The following ZZEF1 variants were observed in gnomAD, a reference collection of about 807,000 sequenced individuals.
The protein encoded by ZZEF1 is zinc finger ZZ-type and EF-hand domain containing 1.
Under a neutral mutation model 342.8 loss-of-function variants are expected in ZZEF1, and 157 were observed. The ratio of observed to expected loss-of-function variants is 0.46; its 90% CI spans 0.40 to 0.52. The LOEUF (loss-of-function observed/expected upper bound fraction) is 0.52, where lower values mean the gene tolerates loss of function less well. ZZEF1 is among the 20% of genes least tolerant of loss of function. ZZEF1 has a pLI of 0.00. For missense variants in ZZEF1, 3,480 were observed against 3,725.6 expected (o/e 0.93, Z 1.72); for synonymous variants, 1,505 against 1,429.1 (o/e 1.05, Z -1.20).
rs1385245361 is a variant in ZZEF1, at chr17:4,104,826, C to A, written c.1395-15G>T. On this transcript the variant is annotated splice_polypyrimidine_tract_variant and intron_variant, in intron 7 of 54. Coordinates refer to ENST00000381638, the MANE Select transcript of ZZEF1 (RefSeq NM_015113.4). The stretch of plus-strand genomic sequence containing the variant: ...TAGAACAGCAGCTATAAGCAAAGAG[C>A]AAAAACTTTTCACTTCTTAAAAACA... 1.9e-6 allele frequency: 3 copies of A among 1,603,732 alleles called. No homozygotes were observed. Among genetic ancestry groups the A allele is most frequent in the Middle Eastern group, 1.7e-4 (1 of 5,976 alleles).
chr17:4,112,764 G>A lies in ZZEF1; in HGVS notation c.911C>T (p.Ala304Val). ...GTAGCTCTGGTCAGTGGCAGCCACT[G>A]CAATGGACAGGTGCCTAAGCACAAC... ...PDVVLRHLSI[A>V]VAATDQSYMP... The change falls in exon 5 of 55, where the codon GCA becomes GTA. Residue 304 changes from alanine to valine, a missense_variant. Coordinates refer to ENST00000381638, the MANE Select transcript of ZZEF1 (RefSeq NM_015113.4). 3 of 1,605,602 alleles carry A rather than the reference G, an allele frequency of 1.9e-6. No individual in the cohort carries two copies. Among genetic ancestry groups the A allele is most frequent in the African/African-American group, 1.3e-5 (1 of 74,842 alleles).
chr17:4,019,559 C>G, intron 46 of ZZEF1, 110 bp downstream of exon 46: 1 of 956,794 alleles, frequency 1.0e-6, no homozygotes, highest in African/African-American at 1.7e-5. Flanking sequence ...TGCTTCCCGG[C>G]CTGTCGGAGC....
chr17:4,026,279 G>A, intron 42 of ZZEF1, among the ~76,000 whole-genome samples: 1 of 152,030 alleles, frequency 6.6e-6, no homozygotes. Flanking sequence ...AAAAATATTT[G>A]AATACATAAT....
At chr17:4,032,752 A>C (rs991648508) in intron 41 of ZZEF1, 76 bp downstream of exon 41, 22 of 1,493,008 alleles carry the variant, frequency 1.5e-5, no homozygotes, top group Non-Finnish European at 1.9e-5. Flanking sequence ...ATATATCCGG[A>C]AGCCACAGAG....
chr17:4,082,892 C>T (rs2057750710), intron 16 of ZZEF1, among the ~76,000 whole-genome samples: 1 of 152,182 alleles, frequency 6.6e-6, no homozygotes, highest in South Asian at 2.1e-4. Context: ...TCTCCTGCCT[C>T]AGCCTCCCAA....
rs1184333791 is a variant in ZZEF1 at position 4,016,981 on chromosome 17, C to T, written c.8001+390G>A. On this transcript the variant is annotated intron_variant, in intron 48 of 54. Coordinates refer to ENST00000381638, the MANE Select transcript of ZZEF1 (RefSeq NM_015113.4). This position sits in a 1 kb window ranked among gnomAD's most constrained non-coding sequence, Gnocchi z 4.4. ...GGGCTGCAAGGCCGGGAAAAGACCT[C>T]GAGGTCTGGTGGTGTTCTCAGATGG... is the stretch of plus-strand genomic sequence containing the variant. 9.9e-6 allele frequency: 2 copies of T among 202,610 alleles called. No individual in the cohort carries two copies. The highest frequency in any genetic ancestry group is 1.2e-4 in the East Asian group (1 of 8,252). The allele number at this position is 202,610 out of a possible 1,614,324, so 12.6% of individuals were successfully genotyped here.
chr17:4,054,605 T>C (rs1399816591), intron 33 of ZZEF1, among the ~76,000 whole-genome samples: 1 of 152,150 alleles, frequency 6.6e-6, no homozygotes, highest in East Asian at 1.9e-4. Context: ...AGAGACAGGT[T>C]TATGAAACTG....
At chr17:4,024,770 T>C in intron 43 of ZZEF1, 149 bp downstream of exon 43, 1 of 748,788 alleles carries the variant, frequency 1.3e-6, no homozygotes, top group South Asian at 1.7e-5. Context: ...TGAAGTTATC[T>C]GTGTGTAAGG....
At chr17:4,124,609 ATTTTTTTTT>A (rs34282931) in intron 1 of ZZEF1, among the ~76,000 whole-genome samples, 5 of 126,790 alleles carry the variant, frequency 3.9e-5, no homozygotes, top group Non-Finnish European at 8.5e-5. Flanking sequence ...CGCCAAGCTG[ATTTTTTTTT>A]TTTTTTTTTT....
chr17:4,134,986 T>A (rs544837207), intron 1 of ZZEF1, among the ~76,000 whole-genome samples: 1 of 152,168 alleles, frequency 6.6e-6, no homozygotes, highest in Non-Finnish European at 1.5e-5. Flanking sequence ...CTGGTGTGGC[T>A]GGAAAGGAAC....
chr17:4,130,835 T>G (rs996621561), intron 1 of ZZEF1, among the ~76,000 whole-genome samples: 1 of 152,070 alleles, frequency 6.6e-6, no homozygotes. Context: ...AGGATAAAAG[T>G]GCATCACAGT....
intron 13 of ZZEF1, 71 bp downstream of exon 13, chr17:4,088,607 T>C: frequency 2.6e-6 from 4 of 1,514,030 alleles, no homozygotes; most frequent in Non-Finnish European, 3.6e-6. Context: ...TATCAGTTGG[T>C]GTTCATTTCT....
intron 39 of ZZEF1, among the ~76,000 whole-genome samples, 175 bp downstream of exon 39, chr17:4,042,248 TACACAC>T (rs34618023): frequency 6.6e-6 from 1 of 151,862 alleles, no homozygotes; most frequent in African/African-American, 2.4e-5. Flanking sequence ...TATTGTTTTA[TACACAC>T]ACACACATAT....
At position 4,017,244 on chromosome 17, in the gene ZZEF1, A is replaced by G. The variant is rs1354788712; in HGVS notation, c.8001+127T>C. The G allele has an allele frequency of 1.5e-6, 2 of 1,352,514 alleles. No individual in the cohort carries two copies. The highest frequency in any genetic ancestry group is 1.0e-6 in the Non-Finnish European group (1 of 1,002,744). The allele number at this position is 1,352,514 out of a possible 1,614,324, so 83.8% of individuals were successfully genotyped here. A position where few individuals can be genotyped will look rare whatever the true frequency, so the allele number is the denominator to read the frequency against. ...GATACAGTGACCCTACCTTTGCTGC[A>G]TTCACACCTGTCAGGGAGCTGCACA... On this transcript the variant is annotated intron_variant, in intron 48 of 54. Coordinates refer to ENST00000381638, the MANE Select transcript of ZZEF1 (RefSeq NM_015113.4). The surrounding 1 kb of genome is among the most constrained non-coding windows in gnomAD (Gnocchi z 5.1).
intron 18 of ZZEF1, among the ~76,000 whole-genome samples, chr17:4,080,266 AAAGAT>A (rs1011699430): frequency 6.6e-6 from 1 of 152,210 alleles, no homozygotes; most frequent in Non-Finnish European, 1.5e-5. Flanking sequence ...AACACAGAAA[AAAGAT>A]AATATACTTT....
At chr17:4,083,867 G>A (rs1479204557) in intron 16 of ZZEF1, among the ~76,000 whole-genome samples, 1 of 151,850 alleles carries the variant, frequency 6.6e-6, no homozygotes, top group African/African-American at 2.4e-5. Context: ...TCTGCTCATT[G>A]GCTGTTGCAT....
Position 4,072,689 on chromosome 17 carries a change from T to A in ZZEF1, c.3753A>T (p.Lys1251Asn). ...MALVLSSPLW[K>N]PVFRHQVCPE... ...GACAAACCTGATGCCTGAAGACAGG[T>A]TTCCACAGTGGGGAGCTTAGGACTA... is the stretch of plus-strand genomic sequence containing the variant. Residue 1251 changes from lysine to asparagine, a missense_variant, in exon 25 of 55, where the codon AAA becomes AAT. Lys to Asn is a moderately conservative substitution (Grantham distance 94). Around this residue, in one of 5 missense-constraint regions of ZZEF1, gnomAD observed 1,528 missense variants for 1,624.1 expected, o/e 0.94. Transcript: ENST00000381638. 7 of 1,614,056 alleles carry A rather than the reference T, an allele frequency of 4.3e-6. No homozygotes were observed. The highest frequency in any genetic ancestry group is 4.2e-6 in the Non-Finnish European group (5 of 1,179,942).
intron 1 of ZZEF1, among the ~76,000 whole-genome samples, chr17:4,134,280 C>G (rs952768476): frequency 3.3e-4 from 49 of 150,600 alleles, no homozygotes; most frequent in African/African-American, 1.1e-3. Context: ...GATCACACTA[C>G]TGCACTCTAG....
Position 4,042,511 on chromosome 17 carries a change from G to A in ZZEF1, c.6224C>T (p.Pro2075Leu), listed in dbSNP as rs2056824334. ...CTCAGCAAACACTTGCTCAGGGCTTGGAGTAACTGCTTTTTCCTCTATGGG... is the reference window on the plus strand; with the variant it reads ...CTCAGCAAACACTTGCTCAGGGCTTAGAGTAACTGCTTTTTCCTCTATGGG... ...QKPIEEKAVT[P>L]SPEQVFAECS... is the part of the protein sequence containing the mutation. The change falls in exon 39 of 55, where the codon CCA (proline) becomes CTA (leucine). Residue 2075 changes from proline to leucine, a missense_variant. Coordinates refer to ENST00000381638, the MANE Select transcript of ZZEF1 (RefSeq NM_015113.4). The A allele has an allele frequency of 6.2e-7, 1 of 1,614,036 alleles. No homozygotes were observed. Among genetic ancestry groups the A allele is most frequent in the South Asian group, 1.1e-5 (1 of 91,050 alleles).
Sources: gnomAD v4.1 joint callset for allele counts (sites outside exome capture counted in the v4.1 genomes callset) on GRCh38, gnomAD v4.1.1 for gene constraint, gnomAD v4.1.1 regional missense constraint, Gnocchi (gnomAD v3.1) non-coding constraint, MANE v1.5 for transcripts, NCBI Gene and HGNC (gene_info 2026-07-23, HGNC 2026-07-21) for gene names.